Variants in WDR70 observed in about 807,000 individuals in gnomAD.
The protein encoded by WDR70 is WD repeat domain 70, also known as WD repeat-containing protein 70.
WDR70 carries 53 observed loss-of-function variants against 88.6 expected under a neutral mutation model. That is an observed-to-expected ratio of 0.60 (90% confidence interval 0.48 to 0.75). The LOEUF (loss-of-function observed/expected upper bound fraction) is 0.75, where lower values mean the gene tolerates loss of function less well. Ranked by LOEUF, WDR70 falls within the 30% of genes least tolerant of loss-of-function variation. The probability of loss-of-function intolerance (pLI) is 0.00; values close to 1 mark genes in which losing one functional copy is unlikely to be tolerated. For missense variants in WDR70, 610 were observed against 823.2 expected (o/e 0.74, Z 3.17); for synonymous variants, 280 against 270.0 (o/e 1.04, Z -0.36).
chr5:37,577,782 T>C (rs1483920898), intron 9 of WDR70, among the ~76,000 whole-genome samples: 1 of 152,210 alleles, frequency 6.6e-6, no homozygotes, highest in East Asian at 1.9e-4. Flanking sequence ...TATTACATTC[T>C]ATTTTTGGCA....
chr5:37,691,694 G>A (rs1446657870), intron 10 of WDR70, among the ~76,000 whole-genome samples: 4 of 152,100 alleles, frequency 2.6e-5, no homozygotes, highest in African/African-American at 9.7e-5. Flanking sequence ...CAGAATCTCT[G>A]GGTCACATTT....
chr5:37,667,983 G>A (rs1745913126), intron 10 of WDR70, among the ~76,000 whole-genome samples: 2 of 150,892 alleles, frequency 1.3e-5, no homozygotes, highest in Non-Finnish European at 2.9e-5. Flanking sequence ...GAATCTTCAA[G>A]ACAAGGCCAT....
At chr5:37,617,032 A>T (rs561689447) in intron 10 of WDR70, among the ~76,000 whole-genome samples, 4 of 152,334 alleles carry the variant, frequency 2.6e-5, no homozygotes, top group Non-Finnish European at 2.9e-5. Flanking sequence ...TTTAAAGCAT[A>T]TAGTATTAAC....
In WDR70 at chr5:37,676,085, GTA is replaced by G. The variant is rs1746196539; in HGVS notation, c.1093-21568_1093-21567del. On this transcript the variant is annotated intron_variant, in intron 10 of 17. Coordinates refer to ENST00000265107, the MANE Select transcript of WDR70 (RefSeq NM_018034.4). ...CTTGTGATTTTTGTACATTGATTTT[GTA>G]TCCTGAGACTTTGCTGAAGTTGCGC... Among the ~76,000 whole-genome samples, 3 of 144,964 alleles carry G rather than the reference GTA, an allele frequency of 2.1e-5. No homozygotes were observed. In the South Asian group the frequency reaches 6.9e-4, roughly 33 times the overall value.
At position 37,622,751 on chromosome 5, in the gene WDR70, G is replaced by C. The variant is rs1436671595; in HGVS notation, c.1092+17513G>C. ...CACTGGGGCCTGTTGTGGGGTGGGG[G>C]GAGCGGGGAGGGATAGCATTAGGAG... On this transcript the variant is annotated intron_variant, in intron 10 of 17. Transcript: ENST00000265107. 1.3e-5 allele frequency among the ~76,000 whole-genome samples: 2 copies of C among 152,056 alleles called. 1 individual carries two copies.
chr5:37,560,866 C>T (rs1433100039), intron 9 of WDR70, among the ~76,000 whole-genome samples: 1 of 141,142 alleles, frequency 7.1e-6, no homozygotes, highest in Non-Finnish European at 1.5e-5. Context: ...AGACAGATTG[C>T]ACTAGTGCAA....
chr5:37,585,730 G>A (rs1056450201), intron 9 of WDR70, among the ~76,000 whole-genome samples: 2 of 152,174 alleles, frequency 1.3e-5, no homozygotes, highest in Non-Finnish European at 2.9e-5. Context: ...CCATGGGTCA[G>A]GCTCTGTTAC....
intron 10 of WDR70, among the ~76,000 whole-genome samples, chr5:37,615,641 C>T (rs1282479774): frequency 1.3e-5 from 2 of 152,160 alleles, no homozygotes; most frequent in African/African-American, 4.8e-5. Flanking sequence ...ATTATTTATT[C>T]CAGACATACA....
intron 8 of WDR70, among the ~76,000 whole-genome samples, chr5:37,490,360 A>G (rs1230296023): frequency 6.6e-6 from 1 of 151,906 alleles, no homozygotes; most frequent in Non-Finnish European, 1.5e-5. Context: ...AGCTCTGCTA[A>G]GGGGAAGGCT....
chr5:37,597,913 G>C (rs6888597), intron 9 of WDR70, among the ~76,000 whole-genome samples: 16,776 of 152,176 alleles, frequency 0.11, 2,985 homozygotes, highest in African/African-American at 0.38. Context: ...TTTGCCTTAC[G>C]CAGGGTGGTA....
At chr5:37,639,977 T>C (rs1295055961) in intron 10 of WDR70, among the ~76,000 whole-genome samples, 1 of 152,150 alleles carries the variant, frequency 6.6e-6, no homozygotes, top group African/African-American at 2.4e-5. Flanking sequence ...ATGAGAAAAC[T>C]AAGGCTTAAA....
At chr5:37,564,385 G>T (rs1201924472) in intron 9 of WDR70, among the ~76,000 whole-genome samples, 2 of 152,366 alleles carry the variant, frequency 1.3e-5, no homozygotes, top group East Asian at 1.9e-4. Context: ...AAACCAGTCA[G>T]GTGTGGCGGC....
intron 7 of WDR70, among the ~76,000 whole-genome samples, chr5:37,451,182 GC>G (rs1286880706): frequency 6.6e-6 from 1 of 152,186 alleles, no homozygotes; most frequent in Non-Finnish European, 1.5e-5. Context: ...ACAGACGTGA[GC>G]CATTGCCTCT....
intron 8 of WDR70, among the ~76,000 whole-genome samples, chr5:37,501,108 T>G (rs1740394734): frequency 6.6e-6 from 1 of 152,162 alleles, no homozygotes; most frequent in Non-Finnish European, 1.5e-5. Flanking sequence ...TGGGATTTTT[T>G]TTTTCTTGCT....
chr5:37,460,933 T>A (rs2112103125), intron 7 of WDR70, among the ~76,000 whole-genome samples: 1 of 152,040 alleles, frequency 6.6e-6, no homozygotes, highest in Admixed American at 6.5e-5. Context: ...TTAACATTTT[T>A]TGACTTGCGT....
intron 10 of WDR70, among the ~76,000 whole-genome samples, chr5:37,666,300 G>T (rs1170636916): frequency 6.6e-6 from 1 of 152,144 alleles, no homozygotes; most frequent in Admixed American, 6.5e-5. Context: ...AGGAGTTAAA[G>T]ATAAAGAAGA....
chr5:37,701,442 A>G (rs1747160034), intron 12 of WDR70, among the ~76,000 whole-genome samples: 1 of 152,162 alleles, frequency 6.6e-6, no homozygotes, highest in Admixed American at 6.6e-5. Context: ...TTGTTCTTTT[A>G]ATATTGTATA....
intron 17 of WDR70, among the ~76,000 whole-genome samples, chr5:37,729,051 T>G (rs1339880324): frequency 1.4e-4 from 22 of 152,174 alleles, no homozygotes; most frequent in Admixed American, 1.4e-3. Flanking sequence ...TTGCTCAAAT[T>G]GTTCCACCTT....
At chr5:37,432,910 C>G (rs1318410036) in intron 5 of WDR70, among the ~76,000 whole-genome samples, 1 of 152,034 alleles carries the variant, frequency 6.6e-6, no homozygotes, top group African/African-American at 2.4e-5. Flanking sequence ...TGTTGTTGAG[C>G]TGTAGAAATT....
Sources: gnomAD v4.1 joint callset for allele counts (sites outside exome capture counted in the v4.1 genomes callset) on GRCh38, gnomAD v4.1.1 for gene constraint, MANE v1.5 for transcripts, NCBI Gene and HGNC (gene_info 2026-07-23, HGNC 2026-07-21) for gene names.